ACAD10: variants seen among roughly 807,000 people sequenced by gnomAD.
The protein encoded by ACAD10 is acyl-CoA dehydrogenase family member 10.
In ACAD10, 112 loss-of-function variants were observed where a neutral mutation model predicts 116.8. The ratio of observed to expected loss-of-function variants is 0.96; its 90% CI spans 0.82 to 1.12. The LOEUF is 1.12. ACAD10 is among the 50% of genes most tolerant of loss of function. The pLI is 0.00. For synonymous variants in ACAD10, 486 were observed against 510.6 expected, an observed-to-expected ratio of 0.95 and a Z score of 0.65; for missense variants, 1,259 against 1,350.2, an observed-to-expected ratio of 0.93 and a Z score of 1.06.
chr12:111,747,716 C>T (rs748090508), intron 16 of ACAD10: 34 of 1,145,800 alleles, frequency 3.0e-5, no homozygotes, highest in Non-Finnish European at 3.4e-5. Flanking sequence ...CTTCCTGGCT[C>T]CTCGATCAGG....
chr12:111,715,691 C>A, intron 6 of ACAD10, 130 bp from the exon 7 acceptor site: 1 of 1,289,680 alleles, frequency 7.8e-7, no homozygotes, highest in South Asian at 1.4e-5. Context: ...AGAAGAGGTA[C>A]TTTTCTTGCA....
At chr12:111,722,878 C>T (rs1239218719) in intron 8 of ACAD10, among the ~76,000 whole-genome samples, 3 of 152,142 alleles carry the variant, frequency 2.0e-5, no homozygotes, top group Non-Finnish European at 4.4e-5. Flanking sequence ...GTCATCCTGG[C>T]CCGTTCTCAA....
At chr12:111,749,088 G>T (rs1889996961) in intron 17 of ACAD10, 85 bp from the exon 18 acceptor site, 3 of 1,613,534 alleles carry the variant, frequency 1.9e-6, no homozygotes, top group Non-Finnish European at 2.5e-6. Context: ...ATTGCCAGCA[G>T]ATAACCCAGA....
chr12:111,732,105 A>G (rs1889402975), intron 10 of ACAD10, among the ~76,000 whole-genome samples: 2 of 152,148 alleles, frequency 1.3e-5, no homozygotes, highest in Admixed American at 6.6e-5. Context: ...AAAGAAAAGT[A>G]ATGGGCAGTA....
chr12:111,691,117 C>T (rs558306732), intron 1 of ACAD10: 1 of 152,228 alleles, frequency 6.6e-6, no homozygotes, highest in South Asian at 2.1e-4. Flanking sequence ...CATCTAGACT[C>T]ACTATTAATG....
At chr12:111,729,595 A>C (rs1348433068) in intron 9 of ACAD10, among the ~76,000 whole-genome samples, 1 of 152,164 alleles carries the variant, frequency 6.6e-6, no homozygotes, top group African/African-American at 2.4e-5. Flanking sequence ...CAGCACCCAG[A>C]CCACACTAAT....
In ACAD10 at chr12:111,712,498, G is replaced by T. The variant is rs1259178500; in HGVS notation, c.691G>T (p.Val231Phe). ...AARLGIHTIKVNDPETAVKEL... is the reference protein window; with the variant it reads ...AARLGIHTIKFNDPETAVKEL... ...ATCTACATATTCTCTCTGAAACCAG[G>T]TTAATGACCCAGAGACTGCAGTAAA... Residue 231 changes from valine to phenylalanine, a missense_variant and splice_region_variant, in exon 6 of 21, where the codon GTT becomes TTT. By Grantham distance (50) the Val-to-Phe change is conservative. Coordinates refer to ENST00000313698, the MANE Select transcript of ACAD10 (RefSeq NM_025247.6). The T allele has an allele frequency of 6.2e-7, 1 of 1,611,462 alleles. No individual in the cohort carries two copies. The highest frequency in any genetic ancestry group is 8.5e-7 in the Non-Finnish European group (1 of 1,179,048).
Position 111,712,546 on chromosome 12 carries a change from T to C in ACAD10, c.739T>C (p.Phe247Leu). 1 of 1,614,096 alleles carries C rather than the reference T, an allele frequency of 6.2e-7. No homozygotes were observed. The highest frequency in any genetic ancestry group is 8.5e-7 in the Non-Finnish European group (1 of 1,179,994). Residue 247 changes from phenylalanine to leucine, a missense_variant, in exon 6 of 21, where the codon TTT (phenylalanine) becomes CTT (leucine). Transcript: ENST00000313698. ...AAAGGAATTAGAAGCTCTCTTGGGT[T>C]TTACATTGAGAGTAGGTGTTCCAAA... ...AVKELEALLGFTLRVGVPNTR... is the reference protein window; with the variant it reads ...AVKELEALLGLTLRVGVPNTR...
intron 12 of ACAD10, among the ~76,000 whole-genome samples, chr12:111,739,698 C>T (rs1000690869): frequency 2.0e-5 from 3 of 151,788 alleles, no homozygotes; most frequent in East Asian, 1.9e-4. Flanking sequence ...GCGGAGGTTG[C>T]GGCGAGCCAT....
rs769198815 is a variant in ACAD10, at chr12:111,709,590, A to C, written c.596A>C (p.Glu199Ala). The change falls in exon 5 of 21, where the codon GAG (glutamate) becomes GCG (alanine). Residue 199 changes from glutamate to alanine, a missense_variant. Physicochemically the swap from Glu to Ala is moderately radical, Grantham distance 107. Coordinates refer to ENST00000313698, the MANE Select transcript of ACAD10 (RefSeq NM_025247.6). ...CCTAGGATCTACAAGCTGTGCTTGG[A>C]GCAGCTCGGCCTGCAGCCCTCTGAG... The part of the protein sequence containing the change: ...PDPRIYKLCL[E>A]QLGLQPSESI... 3.1e-6 allele frequency: 5 copies of C among 1,613,882 alleles called. No homozygotes were observed. In the Admixed American group the frequency reaches 6.7e-5, roughly 22 times the overall value.
chr12:111,721,587 C>A (rs1240319077), intron 7 of ACAD10, 84 bp from the exon 8 acceptor site: 3 of 1,332,126 alleles, frequency 2.3e-6, no homozygotes, highest in Non-Finnish European at 1.1e-6. Context: ...AACAAACAAA[C>A]AAACAAAAAA....
intron 7 of ACAD10, among the ~76,000 whole-genome samples, chr12:111,719,963 G>A (rs1176518576): frequency 3.3e-5 from 5 of 151,584 alleles, no homozygotes; most frequent in East Asian, 1.9e-4. Context: ...TCCTGACCTC[G>A]TGATCCACCC....
intron 3 of ACAD10, among the ~76,000 whole-genome samples, chr12:111,702,695 C>T (rs1336167993): frequency 6.6e-6 from 1 of 151,996 alleles, no homozygotes; most frequent in Non-Finnish European, 1.5e-5. Flanking sequence ...CATGCCATTG[C>T]ACTCCAACTT....
chr12:111,688,325 C>T (rs1313287516), intron 1 of ACAD10: 1 of 152,096 alleles, frequency 6.6e-6, no homozygotes, highest in African/African-American at 2.4e-5. Flanking sequence ...AAATATTGCC[C>T]CCAAATTCAG....
At position 111,756,389 on chromosome 12, in the gene ACAD10, G is replaced by T; in HGVS notation, c.3096G>T (p.Trp1032Cys). The stretch of plus-strand genomic sequence containing the variant: ...ACCCACTGGCTCAGTTCTTCACCTG[G>T]GCCCGAGCCCTGCGCTTTGCCGACG... ...SDYPLAQFFTWARALRFADGP... is the reference protein window; with the variant it reads ...SDYPLAQFFTCARALRFADGP... The change falls in exon 21 of 21, where the codon TGG (tryptophan) becomes TGT (cysteine). Residue 1032 changes from tryptophan (W) to cysteine (C), a missense_variant. Physicochemically the swap from Trp to Cys is radical, Grantham distance 215. Transcript: ENST00000313698. The T allele has an allele frequency of 6.2e-7, 1 of 1,612,012 alleles. No homozygotes were observed. The highest frequency in any genetic ancestry group is 8.5e-7 in the Non-Finnish European group (1 of 1,179,718).
chr12:111,705,782 C>T lies in ACAD10; in HGVS notation c.381C>T (p.Thr127=). Residue 127 remains threonine (T), a synonymous_variant, in exon 4 of 21, where the codon ACC becomes ACT. Transcript: ENST00000313698. The part of the protein sequence containing the change: ...VPVDSFFSLL[T]SERVAKQFPV... ...TGGACTCATTTTTCTCTCTGTTGAC[C>T]AGTGAGCGAGTGGCAAAGCAGTTCC... 1 of 1,614,118 alleles carries T rather than the reference C, an allele frequency of 6.2e-7. No homozygotes were observed. The highest frequency in any genetic ancestry group is 8.5e-7 in the Non-Finnish European group (1 of 1,180,028).
At chr12:111,750,556 A>G (rs769148629) in intron 18 of ACAD10, among the ~76,000 whole-genome samples, 2 of 152,156 alleles carry the variant, frequency 1.3e-5, no homozygotes, top group African/African-American at 2.4e-5. Flanking sequence ...ACTGCACTCC[A>G]GCCTGGGTGA....
chr12:111,743,900 C>T (rs1889817075), intron 12 of ACAD10, among the ~76,000 whole-genome samples: 1 of 151,954 alleles, frequency 6.6e-6, no homozygotes, highest in African/African-American at 2.4e-5. Context: ...GCACACACCA[C>T]CATGCCTGGC....
At chr12:111,744,458 C>A in intron 12 of ACAD10, 185 bp from the exon 13 acceptor site, 2 of 688,950 alleles carry the variant, frequency 2.9e-6, no homozygotes, top group Non-Finnish European at 4.7e-6. Flanking sequence ...GTGCAAAGTG[C>A]AGGTGAAAGC....
Sources: allele counts gnomAD v4.1 joint callset (sites outside exome capture counted in the v4.1 genomes callset), GRCh38; gene constraint gnomAD v4.1.1; transcripts MANE v1.5; gene names NCBI Gene and HGNC (gene_info 2026-07-23, HGNC 2026-07-21).